SERGEF: variants seen among roughly 807,000 people sequenced by gnomAD.
SERGEF encodes the protein secretion regulating guanine nucleotide exchange factor, also known as secretion-regulating guanine nucleotide exchange factor.
A neutral mutation model predicts 50.0 loss-of-function variants in SERGEF; 51 were observed. The observed-to-expected ratio is 1.02, with a 90% CI of 0.81 to 1.29. The LOEUF is 1.29. SERGEF is among the 50% of genes most tolerant of loss of function. The probability of loss-of-function intolerance (pLI) is 0.00; values close to 1 mark genes in which losing one functional copy is unlikely to be tolerated. For synonymous variants in SERGEF, 205 were observed against 212.4 expected (o/e 0.97, Z 0.30); for missense variants, 521 against 557.0 (o/e 0.94, Z 0.65).
chr11:17,899,118 C>T (rs1485123942), intron 9 of SERGEF, among the ~76,000 whole-genome samples: 2 of 152,178 alleles, frequency 1.3e-5, no homozygotes, highest in Non-Finnish European at 2.9e-5. Flanking sequence ...AACCACTATG[C>T]TCCCTGTACA....
chr11:17,926,609 G>T (rs1312627123), intron 9 of SERGEF: 1 of 384,972 alleles, frequency 2.6e-6, no homozygotes, highest in East Asian at 7.2e-5. Flanking sequence ...CCATCACTGG[G>T]TATCTGCCTT....
intron 9 of SERGEF, among the ~76,000 whole-genome samples, chr11:17,927,962 G>T (rs964086690): frequency 6.6e-6 from 1 of 152,212 alleles, no homozygotes; most frequent in African/African-American, 2.4e-5. Flanking sequence ...TAGTAGTAAG[G>T]GCTGAGGAGA....
At chr11:17,948,302 C>A (rs1181344724) in intron 9 of SERGEF, among the ~76,000 whole-genome samples, 3 of 152,158 alleles carry the variant, frequency 2.0e-5, no homozygotes, top group Admixed American at 2.0e-4. Flanking sequence ...TGACAACTTA[C>A]AAAGCTAAAT....
intron 9 of SERGEF, among the ~76,000 whole-genome samples, chr11:17,916,828 T>C (rs1213452717): frequency 5.3e-5 from 8 of 152,248 alleles, no homozygotes; most frequent in Non-Finnish European, 2.9e-5. Flanking sequence ...ATCTGTTTTT[T>C]CTTATTAACT....
intron 9 of SERGEF, among the ~76,000 whole-genome samples, chr11:17,913,126 G>C (rs1394117704): frequency 2.0e-5 from 3 of 152,152 alleles, no homozygotes; most frequent in Non-Finnish European, 4.4e-5. Context: ...TGTCCTTTTG[G>C]GTAGTATATG....
chr11:17,909,572 G>A (rs1015432213), intron 9 of SERGEF, among the ~76,000 whole-genome samples: 3 of 152,200 alleles, frequency 2.0e-5, no homozygotes. Flanking sequence ...GTTATTTTGT[G>A]TAACTATCAG....
chr11:17,939,350 A>G (rs1331477610), intron 9 of SERGEF: 1 of 152,240 alleles, frequency 6.6e-6, no homozygotes, highest in Non-Finnish European at 1.5e-5. Flanking sequence ...TCAGACTTCT[A>G]TTCACTCACC....
At chr11:17,900,289 T>C (rs1851725245) in intron 9 of SERGEF, among the ~76,000 whole-genome samples, 1 of 152,220 alleles carries the variant, frequency 6.6e-6, no homozygotes, top group African/African-American at 2.4e-5. Flanking sequence ...ATAGTTGCCA[T>C]TTCGCTAGGT....
chr11:17,851,106 C>T (rs908074295), intron 10 of SERGEF, among the ~76,000 whole-genome samples: 2 of 152,208 alleles, frequency 1.3e-5, no homozygotes, highest in African/African-American at 2.4e-5. Flanking sequence ...TGCTGTGAAA[C>T]TGTCACAATT....
At position 17,980,082 on chromosome 11, in the gene SERGEF, G is replaced by C. The variant is rs116986949; in HGVS notation, c.844+8515C>G. ...GCAGAGCCCAAGTGCAGGGGAGCGGGAGAGAAAAGAAAGAGGCCAGGCTCA... is the reference window on the plus strand; with the variant it reads ...GCAGAGCCCAAGTGCAGGGGAGCGGCAGAGAAAAGAAAGAGGCCAGGCTCA... On this transcript the variant is annotated intron_variant, in intron 8 of 10. Coordinates refer to ENST00000265965, the MANE Select transcript of SERGEF (RefSeq NM_012139.4). 2.0e-3 allele frequency among the ~76,000 whole-genome samples: 311 copies of C among 152,326 alleles called. 3 individuals are homozygous for C. Among genetic ancestry groups the C allele is most frequent in the Non-Finnish European group, 3.6e-3 (246 of 68,032 alleles).
At chr11:17,870,889 AAACT>A (rs1851126594) in intron 10 of SERGEF, among the ~76,000 whole-genome samples, 1 of 152,210 alleles carries the variant, frequency 6.6e-6, no homozygotes, top group Non-Finnish European at 1.5e-5. Context: ...ACGGAAAAAC[AAACT>A]AATAAAAAAG....
At chr11:17,870,868 C>T (rs1851126022) in intron 10 of SERGEF, among the ~76,000 whole-genome samples, 1 of 152,144 alleles carries the variant, frequency 6.6e-6, no homozygotes, top group South Asian at 2.1e-4. Context: ...TAGTGTGATA[C>T]TAGCATACAA....
At chr11:17,910,565 T>G (rs1163632317) in intron 9 of SERGEF, among the ~76,000 whole-genome samples, 3 of 152,222 alleles carry the variant, frequency 2.0e-5, no homozygotes, top group African/African-American at 7.2e-5. Context: ...GTTGTGGGTT[T>G]GTTTTAATAA....
intron 10 of SERGEF, among the ~76,000 whole-genome samples, chr11:17,833,550 T>C: frequency 6.6e-6 from 1 of 152,112 alleles, no homozygotes; most frequent in Non-Finnish European, 1.5e-5. Flanking sequence ...GAACCCAGAA[T>C]GGTGGATCCA....
chr11:18,012,923 G>A (rs1371924518), intron 1 of SERGEF, 28 bp downstream of exon 1: 14 of 1,523,204 alleles, frequency 9.2e-6, no homozygotes, highest in Admixed American at 4.0e-5. Context: ...CTCAGGGCCT[G>A]CACCGGCCCG....
chr11:17,944,879 T>C (rs1363019067), intron 9 of SERGEF, among the ~76,000 whole-genome samples: 7 of 152,172 alleles, frequency 4.6e-5, no homozygotes, highest in African/African-American at 9.7e-5. Flanking sequence ...AATTAAAAGA[T>C]CAAATAGTAC....
At chr11:17,801,749 T>C (rs11024408) in intron 10 of SERGEF, among the ~76,000 whole-genome samples, 16,306 of 152,158 alleles carry the variant, frequency 0.11, 982 homozygotes, top group South Asian at 0.17. Flanking sequence ...ACCTGAGACC[T>C]GGGAAACCGT....
intron 8 of SERGEF, among the ~76,000 whole-genome samples, chr11:17,981,428 C>T (rs962520834): frequency 6.6e-6 from 1 of 152,164 alleles, no homozygotes; most frequent in Non-Finnish European, 1.5e-5. Context: ...CTGAGAAACA[C>T]AAGATCTGGA....
intron 8 of SERGEF, among the ~76,000 whole-genome samples, chr11:17,986,637 C>A (rs1853604920): frequency 6.6e-6 from 1 of 152,208 alleles, no homozygotes; most frequent in Non-Finnish European, 1.5e-5. Flanking sequence ...GAAGCAACAT[C>A]TTTATGTCTT....
Sources: allele counts gnomAD v4.1 joint callset (sites outside exome capture counted in the v4.1 genomes callset), GRCh38; gene constraint gnomAD v4.1.1; transcripts MANE v1.5; gene names NCBI Gene and HGNC (gene_info 2026-07-23, HGNC 2026-07-21).